DCAF1: variants seen among roughly 807,000 people sequenced by gnomAD.
DCAF1 encodes DDB1 and CUL4 associated factor 1.
In DCAF1, 15 loss-of-function variants were observed where a neutral mutation model predicts 128.0. The ratio of observed to expected loss-of-function variants is 0.12; its 90% CI spans 0.08 to 0.18. The LOEUF (loss-of-function observed/expected upper bound fraction) is 0.18. DCAF1 is among the 10% of genes least tolerant of loss of function. DCAF1 has a pLI of 1.00. For synonymous variants in DCAF1, 610 were observed against 603.0 expected, an observed-to-expected ratio of 1.01 and a Z score of -0.17; for missense variants, 988 against 1,649.5, an observed-to-expected ratio of 0.60 and a Z score of 6.95.
chr3:51,396,605 C>T (rs2089222502), downstream of DCAF1: 1 of 167,174 alleles, frequency 6.0e-6, no homozygotes, highest in South Asian at 2.1e-4. Context: ...GGTGGTGTGC[C>T]ACTGTTCTCA....
chr3:51,463,191 G>C lies in DCAF1; in HGVS notation c.298C>G (p.Pro100Ala), dbSNP rs782147283. 1.9e-6 allele frequency: 3 copies of C among 1,592,320 alleles called. No individual in the cohort carries two copies. The highest frequency in any genetic ancestry group is 1.7e-6 in the Non-Finnish European group (2 of 1,168,670). The change falls in exon 6 of 25, where the codon CCT (proline) becomes GCT (alanine). Residue 100 changes from proline (P) to alanine (A), a missense_variant. Physicochemically the swap from Pro to Ala is conservative, Grantham distance 27 (BLOSUM62 -1). Around this residue, in one of 11 missense-constraint regions of DCAF1, gnomAD observed 210 missense variants for 260.2 expected, o/e 0.81. Coordinates refer to ENST00000684031, the MANE Select transcript of DCAF1 (RefSeq NM_001387579.1). ...AGTCTGCAAGCTGCAGTGTTTAAAGGGGGCTCTCGGCTTGTCATCACATAT... is the reference window on the plus strand; with the variant it reads ...AGTCTGCAAGCTGCAGTGTTTAAAGCGGGCTCTCGGCTTGTCATCACATAT... ...NAYVMTSREP[P>A]LNTAACRLLL...
upstream of DCAF1, among the ~76,000 whole-genome samples, chr3:51,502,372 C>A (rs902660351): frequency 6.6e-6 from 1 of 152,072 alleles, no homozygotes; most frequent in Non-Finnish European, 1.5e-5. Flanking sequence ...CCCACCCTCA[C>A]CCTTGCTCCA....
At chr3:51,502,657 C>G (rs1402302996), upstream of DCAF1, among the ~76,000 whole-genome samples, 8 of 151,944 alleles carry the variant, frequency 5.3e-5, no homozygotes, top group Admixed American at 5.3e-4. Context: ...TTTGGAGAAG[C>G]CAGGGCCTAG....
At chr3:51,451,946 C>T (rs530480972) in intron 6 of DCAF1, among the ~76,000 whole-genome samples, 14 of 152,040 alleles carry the variant, frequency 9.2e-5, no homozygotes, top group African/African-American at 3.4e-4. Flanking sequence ...TTTAAAACTT[C>T]TTTTTCATAC....
rs141877996 is a variant in DCAF1, at chr3:51,494,071, A to C, written c.-9+2663T>G. Among the ~76,000 whole-genome samples the C allele has an allele frequency of 3.7e-3, 561 of 151,926 alleles. 3 individuals carry two copies. Among genetic ancestry groups the C allele is most frequent in the African/African-American group, 0.013 (525 of 41,466 alleles). ...CTAGTAGTTGCCAAGGACTTGAGGA[A>C]AGGGGAAAATGGGCAGTGACTGCTA... On this transcript the variant is annotated intron_variant, in intron 2 of 24. Coordinates refer to ENST00000684031, the MANE Select transcript of DCAF1 (RefSeq NM_001387579.1).
intron 2 of DCAF1, among the ~76,000 whole-genome samples, chr3:51,489,441 C>T (rs1179686615): frequency 1.3e-5 from 2 of 150,904 alleles, no homozygotes; most frequent in Admixed American, 6.6e-5. Flanking sequence ...TCTCAAAAAA[C>T]AAAACAAAAA....
At chr3:51,426,150 T>C (rs976366336) in intron 13 of DCAF1, among the ~76,000 whole-genome samples, 6 of 152,272 alleles carry the variant, frequency 3.9e-5, no homozygotes, top group Middle Eastern at 6.8e-3. Flanking sequence ...TTTTCAAACT[T>C]GCTAAAATTA....
chr3:51,477,710 A>G (rs1183921340), intron 3 of DCAF1, among the ~76,000 whole-genome samples: 1 of 152,170 alleles, frequency 6.6e-6, no homozygotes, highest in Non-Finnish European at 1.5e-5. Context: ...GAGAATGTCT[A>G]TCATTTAATG....
chr3:51,468,834 C>A (rs1704419017), intron 4 of DCAF1, among the ~76,000 whole-genome samples: 1 of 152,158 alleles, frequency 6.6e-6, no homozygotes, highest in African/African-American at 2.4e-5. Context: ...CTTTCTCTGT[C>A]TCTCCCTTCT....
intron 9 of DCAF1, among the ~76,000 whole-genome samples, chr3:51,438,239 G>T (rs1701034985): frequency 1.3e-5 from 2 of 151,972 alleles, no homozygotes; most frequent in Non-Finnish European, 2.9e-5. Flanking sequence ...AATATTAAGA[G>T]AATTCATTCA....
intron 1 of DCAF1, among the ~76,000 whole-genome samples, chr3:51,497,624 C>T (rs1708374570): frequency 6.6e-6 from 1 of 151,936 alleles, no homozygotes; most frequent in African/African-American, 2.4e-5. Flanking sequence ...AATTGACAGG[C>T]ACAGTGGCTC....
intron 3 of DCAF1, among the ~76,000 whole-genome samples, chr3:51,475,195 A>T (rs1350991787): frequency 6.6e-6 from 1 of 152,084 alleles, no homozygotes; most frequent in Non-Finnish European, 1.5e-5. Flanking sequence ...TTCACAAAAT[A>T]TACTTAGAAT....
chr3:51,477,789 C>T (rs1366977598), intron 3 of DCAF1, among the ~76,000 whole-genome samples: 1 of 152,086 alleles, frequency 6.6e-6, no homozygotes, highest in Non-Finnish European at 1.5e-5. Context: ...TCTTACAGTT[C>T]TGACACCAAA....
rs1240011488 is a variant in DCAF1 at position 51,422,202 on chromosome 3, T to G, written c.1972+105A>C. On this transcript the variant is annotated intron_variant, in intron 14 of 24. Coordinates refer to ENST00000684031, the MANE Select transcript of DCAF1 (RefSeq NM_001387579.1). ...ACAAGGAGCCCCCCTCTACTACTTC[T>G]GTTCTAAAATCCAAAATTAGGTCAG... is the stretch of plus-strand genomic sequence containing the variant. 1.0e-5 allele frequency: 7 copies of G among 670,454 alleles called. No homozygotes were observed. In the Admixed American group the frequency reaches 1.5e-4, roughly 15 times the overall value. The allele number at this position is 670,454 out of a possible 1,614,324, so 41.5% of individuals were successfully genotyped here. A position where few individuals can be genotyped will look rare whatever the true frequency, so the allele number is the denominator to read the frequency against.
chr3:51,432,586 G>A (rs972899073), intron 10 of DCAF1, among the ~76,000 whole-genome samples: 18 of 151,948 alleles, frequency 1.2e-4, no homozygotes, highest in African/African-American at 1.9e-4. Context: ...AGCCTCCCAA[G>A]TAGCTGGGAT....
intron 1 of DCAF1, among the ~76,000 whole-genome samples, 156 bp from the exon 2 acceptor site, chr3:51,496,936 C>G (rs1708291744): frequency 6.6e-6 from 1 of 152,118 alleles, no homozygotes; most frequent in African/African-American, 2.4e-5. Flanking sequence ...AACTTATTTT[C>G]AAATGATTCC....
chr3:51,441,329 C>T, intron 8 of DCAF1, 56 bp downstream of exon 8: 1 of 1,531,826 alleles, frequency 6.5e-7, no homozygotes, highest in African/African-American at 1.4e-5. Context: ...TAAAATACCA[C>T]AGAAATGAAC....
At position 51,437,411 on chromosome 3, in the gene DCAF1, A is replaced by C. The variant is rs1553637209; in HGVS notation, c.1128+3559T>G. 5.8e-6 allele frequency: 3 copies of C among 513,590 alleles called. No individual in the cohort carries two copies. The Admixed American group carries it at 5.9e-5, about 10-fold the overall frequency. 31.8% of individuals were successfully genotyped at this position (513,590 alleles called of 1,614,324 possible). On this transcript the variant is annotated intron_variant, in intron 9 of 24. Transcript: ENST00000684031. ...GATCCCCACTTATCCATGATGACTA[A>C]GCTGATCTGAATGGAGCAATGTAGT... is the stretch of plus-strand genomic sequence containing the variant.
intron 23 of DCAF1, 114 bp downstream of exon 23, chr3:51,412,265 T>G (rs1361927418): frequency 6.9e-7 from 1 of 1,450,422 alleles, no homozygotes; most frequent in Non-Finnish European, 9.3e-7. Flanking sequence ...GCCTTATGAA[T>G]GTGGCAACAG....
Sources: gnomAD v4.1 joint callset for allele counts (sites outside exome capture counted in the v4.1 genomes callset) on GRCh38, gnomAD v4.1.1 for gene constraint, gnomAD v4.1.1 regional missense constraint, MANE v1.5 for transcripts, NCBI Gene and HGNC (gene_info 2026-07-23, HGNC 2026-07-21) for gene names.